Variants in SMYD3 observed in about 807,000 individuals in gnomAD.
SMYD3 encodes SET and MYND domain containing 3, also known as histone-lysine N-methyltransferase SMYD3.
In SMYD3, 36 loss-of-function variants were observed where a neutral mutation model predicts 57.7. That is an observed-to-expected ratio of 0.62 (90% CI 0.48 to 0.82). The LOEUF is 0.82. Ranked by LOEUF, SMYD3 falls within the 40% of genes least tolerant of loss-of-function variation. The probability of loss-of-function intolerance (pLI) is 0.00; values close to 1 mark genes in which losing one functional copy is unlikely to be tolerated. For synonymous variants in SMYD3, 211 were observed against 195.0 expected (o/e 1.08, Z -0.68); for missense variants, 515 against 538.8 (o/e 0.96, Z 0.44).
intron 5 of SMYD3, among the ~76,000 whole-genome samples, chr1:246,023,021 A>T (rs926728744): frequency 2.6e-5 from 4 of 152,198 alleles, no homozygotes; most frequent in African/African-American, 9.7e-5. Flanking sequence ...AAGCATCAAT[A>T]AAGTATACCA....
intron 1 of SMYD3, among the ~76,000 whole-genome samples, chr1:246,481,883 G>A (rs1173509712): frequency 6.6e-6 from 1 of 151,636 alleles, no homozygotes; most frequent in Non-Finnish European, 1.5e-5. Context: ...CTGGCTGGGT[G>A]TAATGGCTCA....
In SMYD3 at chr1:246,244,994, A is replaced by G. The variant is rs566300519; in HGVS notation, c.531+82207T>C. 7.2e-5 allele frequency among the ~76,000 whole-genome samples: 11 copies of G among 152,268 alleles called. No individual in the cohort carries two copies. The South Asian group carries it at 1.5e-3, about 20-fold the overall frequency. ...TGCTATCAGGCCAGGCAAAGCATTC[A>G]TCTCAGTGAGGCAGCCTGCCTCTTA... On this transcript the variant is annotated intron_variant, in intron 5 of 11. Coordinates refer to ENST00000490107, the MANE Select transcript of SMYD3 (RefSeq NM_001167740.2).
At chr1:246,138,746 G>A (rs2061705696) in intron 5 of SMYD3, among the ~76,000 whole-genome samples, 1 of 151,970 alleles carries the variant, frequency 6.6e-6, no homozygotes, top group Non-Finnish European at 1.5e-5. Flanking sequence ...TTTAAAAAAA[G>A]TTTAAATACT....
intron 5 of SMYD3, among the ~76,000 whole-genome samples, chr1:246,170,211 T>C (rs1266372805): frequency 6.6e-6 from 1 of 152,030 alleles, no homozygotes; most frequent in African/African-American, 2.4e-5. Context: ...ATGAAGAATT[T>C]AACACAATGA....
chr1:246,470,648 T>C (rs1239774502), intron 1 of SMYD3, among the ~76,000 whole-genome samples: 2 of 151,246 alleles, frequency 1.3e-5, no homozygotes, highest in African/African-American at 2.4e-5. Flanking sequence ...AGTGTATGTA[T>C]GTGTATATAT....
chr1:246,243,017 C>T (rs1021450872), intron 5 of SMYD3, among the ~76,000 whole-genome samples: 8 of 152,090 alleles, frequency 5.3e-5, no homozygotes, highest in African/African-American at 1.7e-4. Flanking sequence ...GACATTAACG[C>T]CCCACTGTCA....
At chr1:246,047,673 C>A (rs1390667785) in intron 5 of SMYD3, among the ~76,000 whole-genome samples, 1 of 151,926 alleles carries the variant, frequency 6.6e-6, no homozygotes, top group Non-Finnish European at 1.5e-5. Context: ...TACATCTCTA[C>A]AAAAAACACA....
intron 5 of SMYD3, among the ~76,000 whole-genome samples, chr1:246,088,484 C>T (rs2060763085): frequency 7.7e-6 from 1 of 130,400 alleles, no homozygotes; most frequent in Non-Finnish European, 1.5e-5. Context: ...GTGACAGGCG[C>T]CTGTAGTCCC....
chr1:246,068,570 G>A lies in SMYD3; in HGVS notation c.532-138633C>T, dbSNP rs145997328. 6.8e-4 allele frequency among the ~76,000 whole-genome samples: 104 copies of A among 152,270 alleles called. No individual in the cohort carries two copies. The Middle Eastern group carries it at 0.014, about 20-fold the overall frequency. On this transcript the variant is annotated intron_variant, in intron 5 of 11. Coordinates refer to ENST00000490107, the MANE Select transcript of SMYD3 (RefSeq NM_001167740.2). The stretch of plus-strand genomic sequence containing the variant: ...GAGGGAAGAACAAGAACATAGAGAC[G>A]GAGCGCAGGGTGCCTGCAACCTGCT...
At chr1:245,980,903 T>C (rs1216360008) in intron 5 of SMYD3, among the ~76,000 whole-genome samples, 1 of 152,236 alleles carries the variant, frequency 6.6e-6, no homozygotes, top group Non-Finnish European at 1.5e-5. Flanking sequence ...TTGTTGGTAC[T>C]CGTCCCTGCC....
intron 5 of SMYD3, among the ~76,000 whole-genome samples, chr1:246,155,972 GCGAGA>G (rs1208885752): frequency 6.6e-6 from 1 of 151,590 alleles, no homozygotes; most frequent in African/African-American, 2.4e-5. Flanking sequence ...GGGTGACAGA[GCGAGA>G]CTATGTCTTC....
chr1:246,496,712 C>G (rs1335553364), intron 1 of SMYD3, among the ~76,000 whole-genome samples: 2 of 151,982 alleles, frequency 1.3e-5, no homozygotes, highest in Non-Finnish European at 2.9e-5. Flanking sequence ...CCTGTGGTCC[C>G]AGCTACTCAA....
intron 1 of SMYD3, among the ~76,000 whole-genome samples, chr1:246,369,172 G>A (rs1345069350): frequency 2.0e-5 from 3 of 151,932 alleles, no homozygotes; most frequent in African/African-American, 7.3e-5. Flanking sequence ...AGAAGTGCTC[G>A]GTAACTATTA....
At chr1:245,967,859 G>A (rs1421996798) in intron 5 of SMYD3, among the ~76,000 whole-genome samples, 1 of 152,232 alleles carries the variant, frequency 6.6e-6, no homozygotes, top group Non-Finnish European at 1.5e-5. Flanking sequence ...TAAGGCAACA[G>A]GCAGGAGAGT....
At chr1:246,503,161 A>C (rs1167449243) in intron 1 of SMYD3, among the ~76,000 whole-genome samples, 1 of 152,104 alleles carries the variant, frequency 6.6e-6, no homozygotes, top group African/African-American at 2.4e-5. Flanking sequence ...TATTTCTCAC[A>C]ATCTGTTTTC....
At chr1:245,766,534 G>A (rs984544993) in intron 10 of SMYD3, among the ~76,000 whole-genome samples, 3 of 151,842 alleles carry the variant, frequency 2.0e-5, no homozygotes, top group South Asian at 2.1e-4. Context: ...CACCCCTTAC[G>A]AAATGAACAT....
chr1:246,450,292 A>C (rs1353482803), intron 1 of SMYD3, among the ~76,000 whole-genome samples: 2 of 140,312 alleles, frequency 1.4e-5, no homozygotes, highest in East Asian at 4.0e-4. Flanking sequence ...ACTCTATCTC[A>C]AAAAAAAAAA....
At chr1:245,876,521 G>A (rs1429060335) in intron 8 of SMYD3, among the ~76,000 whole-genome samples, 1 of 152,224 alleles carries the variant, frequency 6.6e-6, no homozygotes, top group Non-Finnish European at 1.5e-5. Context: ...AGTATTGATG[G>A]TTTTGCTTTT....
chr1:246,266,426 T>C (rs187407399), intron 5 of SMYD3, among the ~76,000 whole-genome samples: 376 of 140,848 alleles, frequency 2.7e-3, no homozygotes, highest in African/African-American at 9.1e-3. Flanking sequence ...TATTAATATA[T>C]TGAGTATAGA....
Sources: allele counts gnomAD v4.1 joint callset (sites outside exome capture counted in the v4.1 genomes callset), GRCh38; gene constraint gnomAD v4.1.1; transcripts MANE v1.5; gene names NCBI Gene and HGNC (gene_info 2026-07-23, HGNC 2026-07-21).